The following TXNRD1 variants were observed in gnomAD, a reference collection of about 807,000 sequenced individuals.
TXNRD1 encodes thioredoxin reductase 1.
In TXNRD1, 57 loss-of-function variants were observed where a neutral mutation model predicts 80.3. That is an observed-to-expected ratio of 0.71 (90% CI 0.57 to 0.89). TXNRD1 has a LOEUF of 0.89. TXNRD1 is among the 40% of genes least tolerant of loss of function. The pLI is 0.00. For synonymous variants in TXNRD1, 291 were observed against 285.2 expected, an observed-to-expected ratio of 1.02 and a Z score of -0.20; for missense variants, 730 against 803.0, an observed-to-expected ratio of 0.91 and a Z score of 1.10.
chr12:104,332,983 G>A (rs35179382), intron 14 of TXNRD1, among the ~76,000 whole-genome samples: 2 of 151,502 alleles, frequency 1.3e-5, no homozygotes, highest in Admixed American at 1.3e-4. Context: ...GTTTTTCAAA[G>A]TTTGATGAAG....
At chr12:104,289,674 T>C (rs140910186) in intron 4 of TXNRD1, 1 of 152,240 alleles carries the variant, frequency 6.6e-6, no homozygotes, top group East Asian at 1.9e-4. Flanking sequence ...CACTGAGGGA[T>C]TTATAGCCTA....
At chr12:104,234,336 C>T (rs1381785213) in intron 1 of TXNRD1, among the ~76,000 whole-genome samples, 2 of 152,084 alleles carry the variant, frequency 1.3e-5, no homozygotes, top group African/African-American at 4.8e-5. Context: ...ACTCTGTCAC[C>T]CAGGCTGGAG....
At chr12:104,239,391 CA>C (rs1348636286) in intron 1 of TXNRD1, among the ~76,000 whole-genome samples, 1 of 152,024 alleles carries the variant, frequency 6.6e-6, no homozygotes, top group Non-Finnish European at 1.5e-5. Context: ...GACAGGGTTT[CA>C]CCATATTGGT....
chr12:104,348,375 C>T lies in TXNRD1; in HGVS notation c.1904C>T (p.Thr635Ile), dbSNP rs1468530419. 1 of 1,614,022 alleles carries T rather than the reference C, an allele frequency of 6.2e-7. No homozygotes were observed. Among genetic ancestry groups the T allele is most frequent in the African/African-American group, 1.3e-5 (1 of 75,044 alleles). The change falls in exon 17 of 17, where the codon ACC becomes ATC. Residue 635 changes from threonine (T) to isoleucine (I), a missense_variant. Coordinates refer to ENST00000525566, the MANE Select transcript of TXNRD1 (RefSeq NM_001093771.3). ...CAGGTATTCACAACATTGTCTGTGA[C>T]CAAGCGCTCTGGGGCAAGCATCCTC... Reference protein sequence around the residue: ...CAEVFTTLSVTKRSGASILQA... With the variant: ...CAEVFTTLSVIKRSGASILQA...
chr12:104,324,293 A>T (rs914705124), intron 10 of TXNRD1, among the ~76,000 whole-genome samples: 9 of 151,520 alleles, frequency 5.9e-5, no homozygotes, highest in African/African-American at 2.2e-4. Flanking sequence ...CAGGAAGGAA[A>T]TTTTTATTAT....
intron 13 of TXNRD1, among the ~76,000 whole-genome samples, chr12:104,328,069 G>A (rs1812467932): frequency 6.6e-6 from 1 of 151,428 alleles, no homozygotes; most frequent in South Asian, 2.1e-4. Context: ...TGAGGCAGGA[G>A]AATTGCTTGA....
intron 3 of TXNRD1, among the ~76,000 whole-genome samples, chr12:104,277,569 A>T (rs1175278031): frequency 2.6e-5 from 4 of 152,166 alleles, no homozygotes; most frequent in African/African-American, 9.6e-5. Context: ...TCTCCAAAAA[A>T]CAAACAAATA....
At position 104,348,389 on chromosome 12, in the gene TXNRD1, G is replaced by A; in HGVS notation, c.1918G>A (p.Ala640Thr). The change falls in exon 17 of 17, where the codon GCA becomes ACA. Residue 640 changes from alanine (A) to threonine (T), a missense_variant. Coordinates refer to ENST00000525566, the MANE Select transcript of TXNRD1 (RefSeq NM_001093771.3). ...ATTGTCTGTGACCAAGCGCTCTGGGGCAAGCATCCTCCAGGCTGGCTGCTG... is the reference window on the plus strand; with the variant it reads ...ATTGTCTGTGACCAAGCGCTCTGGGACAAGCATCCTCCAGGCTGGCTGCTG... ...TTLSVTKRSG[A>T]SILQAGCUG The A allele has an allele frequency of 1.2e-6, 2 of 1,614,022 alleles. No individual in the cohort carries two copies. The highest frequency in any genetic ancestry group is 1.1e-5 in the South Asian group (1 of 91,084).
rs557226409 is a variant in TXNRD1 at position 104,228,706 on chromosome 12, A to G, written c.91+12813A>G. Reference sequence around the variant, plus strand: ...TAGAGTGCAACCTTCACCACTATTGAATTTGAGAACATTTTCTTTTCTTTT... The same window carrying G: ...TAGAGTGCAACCTTCACCACTATTGGATTTGAGAACATTTTCTTTTCTTTT... On this transcript the variant is annotated intron_variant, in intron 1 of 16. Transcript: ENST00000525566. Among the ~76,000 whole-genome samples the G allele has an allele frequency of 3.7e-4, 56 of 152,208 alleles. 1 individual carries two copies. Among genetic ancestry groups the G allele is most frequent in the African/African-American group, 1.3e-3 (54 of 41,548 alleles).
intron 4 of TXNRD1, among the ~76,000 whole-genome samples, chr12:104,307,170 A>C (rs929614142): frequency 2.0e-5 from 3 of 152,210 alleles, no homozygotes; most frequent in African/African-American, 7.2e-5. Context: ...CTGACTGCTT[A>C]CCTTGAAGAA....
chr12:104,267,247 C>CTTTCTTTCTTTCTTTCTTTCTT (rs2033518970), intron 3 of TXNRD1, among the ~76,000 whole-genome samples: 1 of 124,034 alleles, frequency 8.1e-6, no homozygotes, highest in South Asian at 2.9e-4. Flanking sequence ...TTTTCTCTTT[C>CTTTCTTTCTTTCTTTCTTTCTT]TTTCTTTCTT....
intron 1 of TXNRD1, among the ~76,000 whole-genome samples, chr12:104,224,513 C>T (rs139014183): frequency 0.014 from 2,159 of 152,090 alleles, 32 homozygotes; most frequent in Middle Eastern, 0.02. Context: ...CTCAGCCTCC[C>T]GAGTAGCTGG....
chr12:104,249,900 T>C (rs557488117), intron 1 of TXNRD1, among the ~76,000 whole-genome samples: 67 of 131,502 alleles, frequency 5.1e-4, no homozygotes, highest in East Asian at 1.8e-3. Flanking sequence ...CGTGCCACTG[T>C]ACTCCAGCCT....
At chr12:104,267,791 C>T (rs1272459463) in intron 3 of TXNRD1, among the ~76,000 whole-genome samples, 8 of 138,468 alleles carry the variant, frequency 5.8e-5, no homozygotes, top group Admixed American at 1.5e-4. Context: ...TCCCTCCTTC[C>T]TTCCTTCTTT....
intron 1 of TXNRD1, among the ~76,000 whole-genome samples, chr12:104,244,584 A>G (rs981332429): frequency 1.3e-5 from 2 of 152,190 alleles, no homozygotes; most frequent in Non-Finnish European, 2.9e-5. Context: ...TTGTAAAACT[A>G]TGGTACATAG....
At position 104,288,984 on chromosome 12, in the gene TXNRD1, C is replaced by T. The variant is rs780174812; in HGVS notation, c.358C>T (p.Leu120=). 6.2e-7 allele frequency: 1 copy of T among 1,614,056 alleles called. No individual in the cohort carries two copies. The change falls in exon 4 of 17, where the codon CTG becomes TTG. Residue 120 remains leucine, a synonymous_variant. Coordinates refer to ENST00000525566, the MANE Select transcript of TXNRD1 (RefSeq NM_001093771.3). ...CTCGGAATTGGCCGCGGAAACCGATCTGCCCGTTGTGTTTGTGAAACAGAG... is the reference window on the plus strand; with the variant it reads ...CTCGGAATTGGCCGCGGAAACCGATTTGCCCGTTGTGTTTGTGAAACAGAG... ...TLSELAAETD[L]PVVFVKQRKI... is the part of the protein sequence containing the mutation.
At chr12:104,315,639 A>G in intron 6 of TXNRD1, 138 bp from the exon 7 acceptor site, 1 of 939,268 alleles carries the variant, frequency 1.1e-6, no homozygotes, top group Non-Finnish European at 1.5e-6. Flanking sequence ...AAGAGTTAGG[A>G]ATAAACTTTA....
chr12:104,343,094 T>G (rs2036378739), intron 16 of TXNRD1, among the ~76,000 whole-genome samples: 1 of 152,186 alleles, frequency 6.6e-6, no homozygotes, highest in Non-Finnish European at 1.5e-5. Flanking sequence ...AAACCACTGA[T>G]GTGTGTGAGG....
intron 3 of TXNRD1, chr12:104,282,839 A>C (rs969149246): frequency 6.6e-6 from 1 of 152,322 alleles, no homozygotes; most frequent in South Asian, 2.1e-4. Flanking sequence ...GACTACAGGC[A>C]GGTACCACCA....
Sources: allele counts gnomAD v4.1 joint callset (sites outside exome capture counted in the v4.1 genomes callset), GRCh38; gene constraint gnomAD v4.1.1; transcripts MANE v1.5; gene names NCBI Gene and HGNC (gene_info 2026-07-23, HGNC 2026-07-21).